The following LRP4 variants were observed in gnomAD, a reference collection of about 807,000 sequenced individuals.
The protein encoded by LRP4 is low-density lipoprotein receptor-related protein 4.
LRP4 carries 95 observed loss-of-function variants against 220.3 expected under a neutral mutation model. The ratio of observed to expected loss-of-function variants is 0.43; its 90% CI spans 0.37 to 0.51. The LOEUF (loss-of-function observed/expected upper bound fraction) is 0.51. Ranked by LOEUF, LRP4 falls within the 20% of genes least tolerant of loss-of-function variation. The pLI, the probability that LRP4 is intolerant of heterozygous loss-of-function variation, is 0.00. For missense variants in LRP4, 1,925 were observed against 2,567.0 expected (o/e 0.75, Z 5.40); for synonymous variants, 903 against 954.6 (o/e 0.95, Z 1.00).
chr11:46,881,692 C>A lies in LRP4; in HGVS notation c.2814+10G>T. On this transcript the variant is annotated intron_variant, in intron 20 of 37. Transcript: ENST00000378623. ...TGCCACCCTTACCTTCCTCTTACTG[C>A]CACCCTTACCTTCCTCTTACTGCCA... The A allele has an allele frequency of 1.9e-6, 3 of 1,613,608 alleles. No individual in the cohort carries two copies. Among genetic ancestry groups the A allele is most frequent in the Non-Finnish European group, 2.5e-6 (3 of 1,179,568 alleles).
chr11:46,867,587 G>C (rs911767305), intron 34 of LRP4, among the ~76,000 whole-genome samples: 5 of 152,268 alleles, frequency 3.3e-5, no homozygotes, highest in Non-Finnish European at 7.4e-5. Flanking sequence ...TCAGCCTCCA[G>C]AGTAGCTGGG....
chr11:46,859,188 C>T lies in LRP4; in HGVS notation c.5513G>A (p.Arg1838Gln), dbSNP rs770309253. 122 of 1,614,022 alleles carry T rather than the reference C, an allele frequency of 7.6e-5. 1 individual carries two copies. In the Middle Eastern group the frequency reaches 1.8e-3, roughly 24 times the overall value. Residue 1838 changes from arginine (R) to glutamine (Q), a missense_variant, in exon 38 of 38, where the codon CGG (arginine) becomes CAG (glutamine). Arg to Gln is a conservative substitution (Grantham distance 43, BLOSUM62 1). This residue lies in a region of LRP4 where 1,244 missense variants were observed against 1,624.9 expected (regional missense o/e 0.77). Transcript: ENST00000378623. ...QLRSSRGGLL[R>Q]DHVCMKTDTV... ...GTCTGTCTTCATGCATACATGATCC[C>T]GGAGGAGGCCCCCCCGTGAGCTTCG...
intron 31 of LRP4, 114 bp from the exon 32 acceptor site, chr11:46,869,246 A>C: frequency 1.0e-6 from 1 of 964,466 alleles, no homozygotes; most frequent in Non-Finnish European, 1.6e-6. Flanking sequence ...TGCCCTCTTC[A>C]TCTCTTCCTC....
chr11:46,890,213 T>C lies in LRP4; in HGVS notation c.1915+64A>G. 6.2e-7 allele frequency: 1 copy of C among 1,606,642 alleles called. No individual in the cohort carries two copies. The highest frequency in any genetic ancestry group is 8.5e-7 in the Non-Finnish European group (1 of 1,173,646). The stretch of plus-strand genomic sequence containing the variant: ...AACTACACAAAACCTCTACCAAGGC[T>C]CCTGGGGGGCAGGGACGGGGGCAGG... On this transcript the variant is annotated intron_variant, in intron 14 of 37. Transcript: ENST00000378623. This position sits in a 1 kb window ranked among gnomAD's most constrained non-coding sequence, Gnocchi z 5.3.
Position 46,876,552 on chromosome 11 carries a change from C to T in LRP4, c.3450G>A (p.Val1150=). 1 of 1,614,212 alleles carries T rather than the reference C, an allele frequency of 6.2e-7. No homozygotes were observed. The highest frequency in any genetic ancestry group is 8.5e-7 in the Non-Finnish European group (1 of 1,180,044). ...WTDTGTNRIE[V]GNLDGSMRKV... The stretch of plus-strand genomic sequence containing the variant: ...TCCGCATGGACCCGTCCAGGTTGCC[C>T]ACTTCAATCCGGTTTGTTCCCGTGT... Residue 1150 remains valine, a synonymous_variant, in exon 25 of 38, where the codon GTG becomes GTA. Coordinates refer to ENST00000378623, the MANE Select transcript of LRP4 (RefSeq NM_002334.4).
chr11:46,895,345 G>A (rs558427946), intron 10 of LRP4, 54 bp from the exon 11 acceptor site: 19 of 1,602,764 alleles, frequency 1.2e-5, no homozygotes, highest in African/African-American at 9.3e-5. Flanking sequence ...TCCCACTCCC[G>A]CTCCCAGGCT....
intron 1 of LRP4, among the ~76,000 whole-genome samples, chr11:46,911,272 T>C (rs1941854566): frequency 6.6e-6 from 1 of 152,152 alleles, no homozygotes. Flanking sequence ...GCTATCTTTG[T>C]ATAGATCCTC....
intron 16 of LRP4, among the ~76,000 whole-genome samples, chr11:46,888,207 C>T (rs1171895053): frequency 3.0e-4 from 45 of 149,394 alleles, no homozygotes; most frequent in African/African-American, 7.9e-4. Context: ...TTATAATCCC[C>T]GCTACTCAGG....
intron 3 of LRP4, 98 bp from the exon 4 acceptor site, chr11:46,900,074 C>T (rs1333581222): frequency 2.8e-6 from 3 of 1,077,220 alleles, no homozygotes; most frequent in Non-Finnish European, 2.9e-6. Flanking sequence ...AGCTCCAGTG[C>T]TGCCCTGAGG....
At chr11:46,878,111 C>G (rs946573143) in intron 22 of LRP4, among the ~76,000 whole-genome samples, 3 of 152,038 alleles carry the variant, frequency 2.0e-5, no homozygotes, top group African/African-American at 7.2e-5. Context: ...CCTTGACTTC[C>G]GACATCTGGG....
rs779038341 is a variant in LRP4, at chr11:46,874,947, C to T, written c.4082G>A (p.Arg1361His). The part of the protein sequence containing the change: ...SPETYLLFSS[R>H]GSIRRISLDT... ...CAGTGAGATACGCCGGATGGAGCCACGGCTGGAGAAGAGCAGGTAGGTCTC... is the reference window on the plus strand; with the variant it reads ...CAGTGAGATACGCCGGATGGAGCCATGGCTGGAGAAGAGCAGGTAGGTCTC... The change falls in exon 28 of 38, where the codon CGT (arginine) becomes CAT (histidine). Residue 1361 changes from arginine (R) to histidine (H), a missense_variant. Around this residue, in one of 3 missense-constraint regions of LRP4, gnomAD observed 1,244 missense variants for 1,624.9 expected, o/e 0.77. Coordinates refer to ENST00000378623, the MANE Select transcript of LRP4 (RefSeq NM_002334.4). 32 of 1,614,188 alleles carry T rather than the reference C, an allele frequency of 2.0e-5. No homozygotes were observed. Among genetic ancestry groups the T allele is most frequent in the Non-Finnish European group, 2.6e-5 (31 of 1,180,036 alleles).
In LRP4 at chr11:46,881,794, A is replaced by G. The variant is rs747223574; in HGVS notation, c.2722T>C (p.Leu908=). The G allele has an allele frequency of 3.1e-6, 5 of 1,613,882 alleles. No homozygotes were observed. Among genetic ancestry groups the G allele is most frequent in the African/African-American group, 1.3e-5 (1 of 74,992 alleles). Residue 908 remains leucine (L), a synonymous_variant, in exon 20 of 38, where the codon TTA becomes CTA. Coordinates refer to ENST00000378623, the MANE Select transcript of LRP4 (RefSeq NM_002334.4). The stretch of plus-strand genomic sequence containing the variant: ...CGCTGGGACCCATAATCAATAGCTA[A>G]CCCATTAGGCCAGGTCAGATTAGAA... The part of the protein sequence containing the change: ...ISSNLTWPNG[L]AIDYGSQRLY...
intron 1 of LRP4, among the ~76,000 whole-genome samples, chr11:46,904,159 C>T (rs980068616): frequency 6.6e-6 from 1 of 152,240 alleles, no homozygotes; most frequent in African/African-American, 2.4e-5. Context: ...CATCTCTCCC[C>T]CTTCCTTTCT....
intron 34 of LRP4, 125 bp downstream of exon 34, chr11:46,867,854 A>G (rs536995556): frequency 3.2e-5 from 37 of 1,149,910 alleles, no homozygotes; most frequent in Admixed American, 3.0e-4. Flanking sequence ...TGTCCCAAAT[A>G]ACAGGGACTG....
At chr11:46,861,220 C>G (rs887368331) in intron 37 of LRP4, among the ~76,000 whole-genome samples, 1 of 151,888 alleles carries the variant, frequency 6.6e-6, no homozygotes, top group Admixed American at 6.6e-5. Flanking sequence ...TTTTTAATTT[C>G]AATTTTTTTT....
intron 1 of LRP4, among the ~76,000 whole-genome samples, chr11:46,916,559 A>C (rs1941949396): frequency 7.1e-6 from 1 of 139,970 alleles, no homozygotes; most frequent in African/African-American, 2.6e-5. Flanking sequence ...CTCTATGCAC[A>C]TGTAATATTT....
At chr11:46,894,053 G>A (rs982987830) in intron 12 of LRP4, among the ~76,000 whole-genome samples, 5 of 151,380 alleles carry the variant, frequency 3.3e-5, no homozygotes, top group Admixed American at 6.6e-5. Flanking sequence ...CACCACGCCC[G>A]GCTAACTTTT....
At chr11:46,861,923 C>T (rs1010568605) in intron 37 of LRP4, among the ~76,000 whole-genome samples, 1 of 151,894 alleles carries the variant, frequency 6.6e-6, no homozygotes, top group Non-Finnish European at 1.5e-5. Flanking sequence ...ACAAAATTAG[C>T]CGGGCATGGT....
At chr11:46,885,372 C>T (rs770681308) in intron 18 of LRP4, among the ~76,000 whole-genome samples, 7 of 152,158 alleles carry the variant, frequency 4.6e-5, no homozygotes, top group African/African-American at 1.2e-4. Flanking sequence ...GATGCTGCCA[C>T]GCAGAGGAGG....
Sources: gnomAD v4.1 joint callset for allele counts (sites outside exome capture counted in the v4.1 genomes callset) on GRCh38, gnomAD v4.1.1 for gene constraint, gnomAD v4.1.1 regional missense constraint, Gnocchi (gnomAD v3.1) non-coding constraint, MANE v1.5 for transcripts, NCBI Gene and HGNC (gene_info 2026-07-23, HGNC 2026-07-21) for gene names.